CAMTA1: variants seen among roughly 807,000 people sequenced by gnomAD.
CAMTA1 encodes the protein calmodulin-binding transcription activator 1.
A neutral mutation model predicts 170.9 loss-of-function variants in CAMTA1; 27 were observed. The ratio of observed to expected loss-of-function variants is 0.16; its 90% CI spans 0.12 to 0.22. The LOEUF (loss-of-function observed/expected upper bound fraction) is 0.22. CAMTA1 is among the 10% of genes least tolerant of loss of function. The pLI, the probability that CAMTA1 is intolerant of heterozygous loss-of-function variation, is 1.00. For missense variants in CAMTA1, 1,619 were observed against 2,217.2 expected, an observed-to-expected ratio of 0.73 and a Z score of 5.42; for synonymous variants, 833 against 891.5, an observed-to-expected ratio of 0.93 and a Z score of 1.17.
At chr1:7,170,639 T>C (rs562240578) in intron 4 of CAMTA1, among the ~76,000 whole-genome samples, 20 of 152,224 alleles carry the variant, frequency 1.3e-4, no homozygotes, top group Non-Finnish European at 2.8e-4. Flanking sequence ...GGAAAGGACA[T>C]GAACTCATTG....
chr1:7,262,328 G>A (rs922411653), intron 5 of CAMTA1, among the ~76,000 whole-genome samples: 3 of 152,082 alleles, frequency 2.0e-5, no homozygotes, highest in Admixed American at 6.5e-5. Flanking sequence ...TTGGGAGGCC[G>A]AGGCGGGCGG....
At chr1:7,250,428 A>AG (rs1280979331) in intron 5 of CAMTA1, among the ~76,000 whole-genome samples, 1 of 152,222 alleles carries the variant, frequency 6.6e-6, no homozygotes, top group African/African-American at 2.4e-5. Context: ...CCCTGGGAAC[A>AG]GGGAAGGCAT....
At chr1:6,880,691 C>G (rs184164592) in intron 3 of CAMTA1, among the ~76,000 whole-genome samples, 19 of 152,260 alleles carry the variant, frequency 1.2e-4, no homozygotes, top group African/African-American at 4.6e-4. Context: ...TGTCCGGCCT[C>G]TAACAGATTT....
At chr1:6,999,617 G>A (rs973667903) in intron 3 of CAMTA1, among the ~76,000 whole-genome samples, 1 of 152,102 alleles carries the variant, frequency 6.6e-6, no homozygotes, top group South Asian at 2.1e-4. Flanking sequence ...TACTGGGCTC[G>A]AGTGATCTGC....
chr1:6,849,624 GA>G (rs200103300), intron 3 of CAMTA1, among the ~76,000 whole-genome samples: 336 of 147,438 alleles, frequency 2.3e-3, no homozygotes, highest in African/African-American at 7.2e-3. Context: ...AAGTGTTAAG[GA>G]AAAAAAAAAT....
intron 5 of CAMTA1, among the ~76,000 whole-genome samples, chr1:7,308,819 C>T (rs1675997402): frequency 6.6e-6 from 1 of 152,190 alleles, no homozygotes; most frequent in Admixed American, 6.5e-5. Context: ...AGCGTACTCT[C>T]AACTATCAGT....
chr1:7,701,402 TC>T (rs1408770402), intron 11 of CAMTA1, among the ~76,000 whole-genome samples: 1 of 152,084 alleles, frequency 6.6e-6, no homozygotes, highest in Non-Finnish European at 1.5e-5. Flanking sequence ...ATATATCAAC[TC>T]CCTGTATCTG....
chr1:7,296,698 A>G (rs1034372927), intron 5 of CAMTA1, among the ~76,000 whole-genome samples: 9 of 152,132 alleles, frequency 5.9e-5, no homozygotes, highest in Non-Finnish European at 5.9e-5. Context: ...TGGCCACGTC[A>G]AGGGTGATGT....
intron 5 of CAMTA1, among the ~76,000 whole-genome samples, chr1:7,444,924 A>T (rs1322374279): frequency 6.6e-6 from 1 of 152,214 alleles, no homozygotes; most frequent in East Asian, 1.9e-4. Flanking sequence ...ACTGAGTGTG[A>T]CATGTTCCTG....
At chr1:7,049,426 T>C (rs918454138) in intron 3 of CAMTA1, among the ~76,000 whole-genome samples, 2 of 152,170 alleles carry the variant, frequency 1.3e-5, no homozygotes, top group African/African-American at 4.8e-5. Context: ...CATCTTCATT[T>C]TGTGTCTCTT....
chr1:6,920,896 T>G (rs1681860856), intron 3 of CAMTA1, among the ~76,000 whole-genome samples: 1 of 152,186 alleles, frequency 6.6e-6, no homozygotes, highest in Admixed American at 6.5e-5. Flanking sequence ...CGAAACCATT[T>G]TTTCCTTTTA....
intron 5 of CAMTA1, among the ~76,000 whole-genome samples, chr1:7,453,234 C>T (rs61772213): frequency 0.14 from 21,460 of 152,256 alleles, 1,713 homozygotes; most frequent in Non-Finnish European, 0.19. Context: ...GGGAGGTTCA[C>T]GGGAGGAGGC....
chr1:7,222,878 G>C (rs961516298), intron 4 of CAMTA1, among the ~76,000 whole-genome samples: 3 of 152,222 alleles, frequency 2.0e-5, no homozygotes, highest in African/African-American at 7.2e-5. Flanking sequence ...TCTTCTACGT[G>C]GGTATATCTG....
chr1:7,540,327 C>T (rs1191259453), intron 6 of CAMTA1, among the ~76,000 whole-genome samples: 2 of 152,156 alleles, frequency 1.3e-5, no homozygotes, highest in Non-Finnish European at 2.9e-5. Flanking sequence ...GGAGTACGGG[C>T]AGGGTTTAGT....
intron 5 of CAMTA1, among the ~76,000 whole-genome samples, chr1:7,265,510 C>T (rs1326911976): frequency 1.3e-5 from 2 of 152,002 alleles, no homozygotes; most frequent in Non-Finnish European, 2.9e-5. Flanking sequence ...GACAGGGTTT[C>T]GCCATGTTGG....
intron 7 of CAMTA1, among the ~76,000 whole-genome samples, chr1:7,645,682 C>T (rs552573434): frequency 6.6e-4 from 100 of 152,386 alleles, no homozygotes; most frequent in African/African-American, 2.4e-3. Context: ...CCCTGCCTGC[C>T]AGCCCCAGAG....
intron 6 of CAMTA1, among the ~76,000 whole-genome samples, chr1:7,518,236 T>C (rs372803090): frequency 2.3e-4 from 35 of 152,102 alleles, no homozygotes; most frequent in African/African-American, 8.0e-4. Flanking sequence ...AAAACGAAGC[T>C]GGCAGTTGGA....
chr1:7,527,060 C>T (rs948783346), intron 6 of CAMTA1, among the ~76,000 whole-genome samples: 5 of 152,188 alleles, frequency 3.3e-5, no homozygotes, highest in African/African-American at 1.2e-4. Flanking sequence ...CCCAGGCCAG[C>T]GGCTGCTCCT....
At chr1:7,724,420 G>A (rs1242448868) in intron 11 of CAMTA1, among the ~76,000 whole-genome samples, 1 of 152,218 alleles carries the variant, frequency 6.6e-6, no homozygotes, top group Non-Finnish European at 1.5e-5. Flanking sequence ...CAACTTATCT[G>A]TAAATCTAAA....
Sources: allele counts gnomAD v4.1 joint callset (sites outside exome capture counted in the v4.1 genomes callset), GRCh38; gene constraint gnomAD v4.1.1; transcripts MANE v1.5; gene names NCBI Gene and HGNC (gene_info 2026-07-23, HGNC 2026-07-21).